SLC26A8: variants seen among roughly 807,000 people sequenced by gnomAD.
The protein encoded by SLC26A8 is solute carrier family 26 member 8.
A neutral mutation model predicts 105.0 loss-of-function variants in SLC26A8; 70 were observed. The observed-to-expected ratio is 0.67, with a 90% CI of 0.55 to 0.81. SLC26A8 has a LOEUF of 0.81. Ranked by LOEUF, SLC26A8 falls within the 40% of genes least tolerant of loss-of-function variation. SLC26A8 has a pLI of 0.00. For missense variants in SLC26A8, 998 were observed against 1,181.8 expected (o/e 0.84, Z 2.28); for synonymous variants, 415 against 438.3 (o/e 0.95, Z 0.66).
At chr6:35,954,312 TG>T (rs373702487) in intron 17 of SLC26A8, among the ~76,000 whole-genome samples, 13 of 152,176 alleles carry the variant, frequency 8.5e-5, no homozygotes, top group African/African-American at 3.1e-4. Context: ...AGGAAGGAAG[TG>T]GGGAAGACCC....
chr6:35,999,640 A>G (rs1215000642), intron 4 of SLC26A8, among the ~76,000 whole-genome samples: 1 of 152,198 alleles, frequency 6.6e-6, no homozygotes, highest in Non-Finnish European at 1.5e-5. Context: ...GAGTTTGGTT[A>G]TTATGGTTCA....
At position 35,943,745 on chromosome 6, in the gene SLC26A8, C is replaced by G; in HGVS notation, c.*155G>C. 1 of 1,099,122 alleles carries G rather than the reference C, an allele frequency of 9.1e-7. No homozygotes were observed. 68.1% of individuals were successfully genotyped at this position (1,099,122 alleles called of 1,614,324 possible). A position where few individuals can be genotyped will look rare whatever the true frequency, so the allele number is the denominator to read the frequency against. On this transcript the variant is annotated 3_prime_UTR_variant, in exon 20 of 20. Transcript: ENST00000490799. ...ATGTGATTTGGGAGTATGATCCCAGCGCAGAGCAAGGAAGAAGGCTGGCAG... is the reference window on the plus strand; with the variant it reads ...ATGTGATTTGGGAGTATGATCCCAGGGCAGAGCAAGGAAGAAGGCTGGCAG...
chr6:35,975,752 A>G (rs113992762), intron 9 of SLC26A8, among the ~76,000 whole-genome samples: 17 of 151,874 alleles, frequency 1.1e-4, no homozygotes, highest in African/African-American at 3.9e-4. Context: ...TGTCTCTACT[A>G]AAAATACAAA....
chr6:36,017,447 C>A (rs1762025527), intron 2 of SLC26A8, among the ~76,000 whole-genome samples: 1 of 152,050 alleles, frequency 6.6e-6, no homozygotes. Flanking sequence ...GCCTGGCCAA[C>A]ATGGTGAAAC....
chr6:35,986,562 A>G (rs991773833), intron 7 of SLC26A8, among the ~76,000 whole-genome samples: 1 of 152,090 alleles, frequency 6.6e-6, no homozygotes, highest in Non-Finnish European at 1.5e-5. Context: ...AATGAGTTCA[A>G]CCTTTTTAGA....
intron 10 of SLC26A8, among the ~76,000 whole-genome samples, chr6:35,973,809 G>A (rs1047384537): frequency 6.6e-5 from 10 of 152,114 alleles, no homozygotes; most frequent in African/African-American, 2.2e-4. Context: ...TGACACATTC[G>A]TTTCTGACCA....
chr6:35,953,646 G>A (rs1215313054), intron 17 of SLC26A8, among the ~76,000 whole-genome samples: 2 of 152,166 alleles, frequency 1.3e-5, no homozygotes, highest in East Asian at 1.9e-4. Flanking sequence ...GATTTTCAAA[G>A]TATAATTGAG....
Position 36,019,642 on chromosome 6 carries a change from T to C in SLC26A8, c.66A>G (p.Ala22=), listed in dbSNP as rs1029482721. 1.2e-6 allele frequency: 2 copies of C among 1,614,200 alleles called. No homozygotes were observed. Among genetic ancestry groups the C allele is most frequent in the Non-Finnish European group, 1.7e-6 (2 of 1,180,024 alleles). ...FSSKSRRNSF[A]YDVKREVYNE... is the part of the protein sequence containing the mutation. ...TGTATACTTCACGCTTAACATCATA[T>C]GCGAATGAGTTTCGCCTGGACTTAG... Residue 22 remains alanine, a synonymous_variant, in exon 2 of 20, where the codon GCA becomes GCG. Transcript: ENST00000490799.
At position 35,972,663 on chromosome 6, in the gene SLC26A8, C is replaced by T. The variant is rs191162780; in HGVS notation, c.1287+2712G>A. On this transcript the variant is annotated intron_variant, in intron 10 of 19. Transcript: ENST00000490799. ...TGCCTCCCTGTGGAGGGCCGCTGCA[C>T]TGCATTGAGAGGTGTCACTGGCAGA... Among the ~76,000 whole-genome samples, 216 of 152,328 alleles carry T rather than the reference C, an allele frequency of 1.4e-3. 3 individuals are homozygous for T. Among genetic ancestry groups the T allele is most frequent in the Non-Finnish European group, 2.7e-3 (183 of 68,034 alleles).
At chr6:35,945,139 T>G (rs1250111439) in intron 19 of SLC26A8, among the ~76,000 whole-genome samples, 4 of 152,204 alleles carry the variant, frequency 2.6e-5, no homozygotes, top group Non-Finnish European at 5.9e-5. Context: ...CATGAGCCAC[T>G]GTGCCCAACC....
At chr6:35,984,966 C>T (rs1307506390) in intron 7 of SLC26A8, among the ~76,000 whole-genome samples, 2 of 152,314 alleles carry the variant, frequency 1.3e-5, no homozygotes, top group Non-Finnish European at 2.9e-5. Flanking sequence ...TGACAAGAAA[C>T]ATTTACAACC....
At chr6:35,996,924 A>G (rs1761370957) in intron 5 of SLC26A8, among the ~76,000 whole-genome samples, 1 of 152,034 alleles carries the variant, frequency 6.6e-6, no homozygotes, top group Non-Finnish European at 1.5e-5. Flanking sequence ...AATCCCAGCT[A>G]CTTGGGAGGC....
chr6:35,991,166 C>T (rs1006266246), intron 7 of SLC26A8, among the ~76,000 whole-genome samples: 4 of 152,032 alleles, frequency 2.6e-5, no homozygotes, highest in Admixed American at 6.6e-5. Flanking sequence ...TTTGGGAGGC[C>T]GAGACAGGTG....
At chr6:35,952,811 C>T (rs1771924523) in intron 17 of SLC26A8, among the ~76,000 whole-genome samples, 1 of 151,838 alleles carries the variant, frequency 6.6e-6, no homozygotes, top group Admixed American at 6.6e-5. Flanking sequence ...GTCAGAAGTT[C>T]GAGACAAGCC....
chr6:35,977,897 C>T (rs1309525622), intron 8 of SLC26A8, among the ~76,000 whole-genome samples: 1 of 151,912 alleles, frequency 6.6e-6, no homozygotes, highest in African/African-American at 2.4e-5. Context: ...TCAGCCTGGC[C>T]AACATGGTGA....
intron 7 of SLC26A8, among the ~76,000 whole-genome samples, chr6:35,991,248 A>T (rs1473624088): frequency 1.3e-5 from 2 of 151,572 alleles, no homozygotes; most frequent in African/African-American, 4.9e-5. Flanking sequence ...TAAAAAAAAT[A>T]CAAAAATTAG....
chr6:35,986,930 T>A (rs966413348), intron 7 of SLC26A8, among the ~76,000 whole-genome samples: 14 of 152,220 alleles, frequency 9.2e-5, no homozygotes. Flanking sequence ...GCAGCGAACA[T>A]GAGAGTGCAG....
intron 5 of SLC26A8, among the ~76,000 whole-genome samples, chr6:35,993,626 A>G (rs908433974): frequency 3.9e-5 from 6 of 152,178 alleles, no homozygotes; most frequent in Admixed American, 2.6e-4. Context: ...ATAGACCTCA[A>G]ATGATTAACA....
chr6:35,957,265 T>C (rs572842037), intron 16 of SLC26A8, among the ~76,000 whole-genome samples: 25 of 151,452 alleles, frequency 1.7e-4, no homozygotes, highest in African/African-American at 5.6e-4. Context: ...ATGAGAACTA[T>C]AAAGCACAAG....
Sources: allele counts gnomAD v4.1 joint callset (sites outside exome capture counted in the v4.1 genomes callset), GRCh38; gene constraint gnomAD v4.1.1; transcripts MANE v1.5; gene names NCBI Gene and HGNC (gene_info 2026-07-23, HGNC 2026-07-21).